AK9: variants seen among roughly 807,000 people sequenced by gnomAD.
The protein encoded by AK9 is adenylate kinase 9.
AK9 carries 191 observed loss-of-function variants against 239.6 expected under a neutral mutation model. The observed-to-expected ratio is 0.80, with a 90% CI of 0.71 to 0.90. AK9 has a LOEUF of 0.90. AK9 is among the 40% of genes least tolerant of loss of function. The probability of loss-of-function intolerance (pLI) is 0.00; values close to 1 mark genes in which losing one functional copy is unlikely to be tolerated. For missense variants in AK9, 1,995 were observed against 2,214.7 expected (o/e 0.90, Z 1.99); for synonymous variants, 689 against 721.0 (o/e 0.96, Z 0.71).
intron 5 of AK9, among the ~76,000 whole-genome samples, chr6:109,670,424 T>C (rs1176560842): frequency 6.6e-6 from 1 of 152,190 alleles, no homozygotes; most frequent in Non-Finnish European, 1.5e-5. Flanking sequence ...TAAGTAGAAG[T>C]GTAGATGAAA....
At chr6:109,576,570 A>C (rs1788116737) in intron 20 of AK9, among the ~76,000 whole-genome samples, 1 of 151,950 alleles carries the variant, frequency 6.6e-6, no homozygotes, top group Non-Finnish European at 1.5e-5. Context: ...TATCAGATCT[A>C]GGAGCTTTTT....
chr6:109,510,128 T>G (rs892678295), intron 32 of AK9, among the ~76,000 whole-genome samples: 18 of 151,852 alleles, frequency 1.2e-4, no homozygotes, highest in African/African-American at 4.1e-4. Context: ...GGGGCTGGGA[T>G]GCCGGTCTGT....
chr6:109,535,932 C>T (rs9374093), intron 27 of AK9, among the ~76,000 whole-genome samples: 108,355 of 152,010 alleles, frequency 0.71, 39,096 homozygotes, highest in East Asian at 0.99. Context: ...GTGGTATTAC[C>T]TCTGAGGGCT....
chr6:109,568,199 G>A (rs1786868299), intron 21 of AK9, among the ~76,000 whole-genome samples: 1 of 152,090 alleles, frequency 6.6e-6, no homozygotes, highest in Non-Finnish European at 1.5e-5. Flanking sequence ...CTCAATAAAT[G>A]CAGAAAAGGC....
At chr6:109,565,294 C>G (rs1786325202) in intron 21 of AK9, among the ~76,000 whole-genome samples, 1 of 151,918 alleles carries the variant, frequency 6.6e-6, no homozygotes, top group Non-Finnish European at 1.5e-5. Flanking sequence ...CTAGGCAACA[C>G]AGCAAGACCA....
intron 24 of AK9, among the ~76,000 whole-genome samples, chr6:109,562,036 G>A (rs1352050294): frequency 6.6e-6 from 1 of 152,266 alleles, no homozygotes; most frequent in South Asian, 2.1e-4. Context: ...GACACTCAAA[G>A]AAAATGCTTA....
chr6:109,668,716 G>A lies in AK9; in HGVS notation c.331+3203C>T, dbSNP rs548481990. ...AAAGATCAGATAGTTGTAGATCTGC[G>A]GCATTATTTCTGAGGCCTCTGTTCT... is the stretch of plus-strand genomic sequence containing the variant. On this transcript the variant is annotated intron_variant, in intron 5 of 40. Coordinates refer to ENST00000424296, the MANE Select transcript of AK9 (RefSeq NM_001145128.3). 2.2e-5 allele frequency among the ~76,000 whole-genome samples: 2 copies of A among 90,140 alleles called. 1 individual carries two copies. Among genetic ancestry groups the A allele is most frequent in the African/African-American group, 6.1e-5 (2 of 33,028 alleles). 59.1% of individuals were successfully genotyped at this position (90,140 alleles called of 152,430 possible).
chr6:109,650,055 T>C (rs906510723), intron 8 of AK9, among the ~76,000 whole-genome samples: 10 of 152,170 alleles, frequency 6.6e-5, no homozygotes, highest in East Asian at 3.9e-4. Context: ...AAACTGGATC[T>C]CTTCCTTACA....
intron 13 of AK9, among the ~76,000 whole-genome samples, chr6:109,617,790 T>C (rs575448006): frequency 6.6e-6 from 1 of 152,306 alleles, no homozygotes; most frequent in East Asian, 1.9e-4. Context: ...GTTCTCGTTC[T>C]AAGTATGAGT....
intron 13 of AK9, among the ~76,000 whole-genome samples, chr6:109,615,223 A>G (rs1583265337): frequency 6.9e-6 from 1 of 145,616 alleles, no homozygotes; most frequent in South Asian, 2.2e-4. Context: ...CTGCCCCATT[A>G]CCATGTTGTA....
chr6:109,647,498 T>C (rs1798236744), intron 8 of AK9, among the ~76,000 whole-genome samples: 1 of 152,170 alleles, frequency 6.6e-6, no homozygotes, highest in African/African-American at 2.4e-5. Context: ...AGGAAGGCCA[T>C]TACATAATGG....
intron 24 of AK9, among the ~76,000 whole-genome samples, chr6:109,553,509 T>A (rs946291995): frequency 6.6e-6 from 1 of 152,192 alleles, no homozygotes; most frequent in Non-Finnish European, 1.5e-5. Flanking sequence ...GCTTGCCTAT[T>A]GTTGGTGTAA....
chr6:109,589,507 T>G (rs2128217250), intron 17 of AK9, among the ~76,000 whole-genome samples: 2 of 152,278 alleles, frequency 1.3e-5, no homozygotes, highest in South Asian at 4.1e-4. Flanking sequence ...TATAGAAACA[T>G]ATCAACAGTA....
intron 32 of AK9, among the ~76,000 whole-genome samples, 198 bp from the exon 33 acceptor site, chr6:109,509,578 C>G (rs1397064813): frequency 1.3e-5 from 2 of 152,116 alleles, no homozygotes; most frequent in Admixed American, 1.3e-4. Context: ...GCTGCAGACC[C>G]AGGCCTCCTG....
intron 24 of AK9, among the ~76,000 whole-genome samples, chr6:109,553,080 C>G (rs577404303): frequency 1.4e-4 from 21 of 152,216 alleles, no homozygotes; most frequent in Non-Finnish European, 2.1e-4. Context: ...GTTTTGGTAC[C>G]AGTACCATGC....
intron 33 of AK9, among the ~76,000 whole-genome samples, chr6:109,508,505 C>T (rs921791559): frequency 6.6e-6 from 1 of 151,972 alleles, no homozygotes; most frequent in African/African-American, 2.4e-5. Flanking sequence ...TAAATGAACT[C>T]GAGAACTGTT....
intron 8 of AK9, among the ~76,000 whole-genome samples, chr6:109,654,382 A>C (rs1030401206): frequency 2.0e-5 from 3 of 151,972 alleles, no homozygotes; most frequent in African/African-American, 7.3e-5. Context: ...TCTGTCATCC[A>C]GGTTGGAGGC....
chr6:109,625,213 G>T (rs73519244), intron 12 of AK9, among the ~76,000 whole-genome samples: 1 of 152,174 alleles, frequency 6.6e-6, no homozygotes, highest in Non-Finnish European at 1.5e-5. Flanking sequence ...CAGAAGGCCA[G>T]AAGTGTCTTT....
chr6:109,614,471 G>A lies in AK9; in HGVS notation c.1409C>T (p.Ala470Val), dbSNP rs1006653261. ...ATATTGCCTTTGAAATTCTCTTAAA[G>A]CTGTTTCAGCTGAAATATAACAATG... Reference protein sequence around the residue: ...ELQARKQAETALREFQRQYEK... With the variant: ...ELQARKQAETVLREFQRQYEK... The change falls in exon 14 of 41, where the codon GCT (alanine) becomes GTT (valine). Residue 470 changes from alanine (A) to valine (V), a missense_variant. Around this residue, in one of 5 missense-constraint regions of AK9, gnomAD observed 1,290 missense variants for 1,392.7 expected, o/e 0.93. Coordinates refer to ENST00000424296, the MANE Select transcript of AK9 (RefSeq NM_001145128.3). 56 of 1,550,780 alleles carry A rather than the reference G, an allele frequency of 3.6e-5. No individual in the cohort carries two copies. The highest frequency in any genetic ancestry group is 4.8e-5 in the Non-Finnish European group (55 of 1,146,590).
Sources: gnomAD v4.1 joint callset for allele counts (sites outside exome capture counted in the v4.1 genomes callset) on GRCh38, gnomAD v4.1.1 for gene constraint, gnomAD v4.1.1 regional missense constraint, MANE v1.5 for transcripts, NCBI Gene and HGNC (gene_info 2026-07-23, HGNC 2026-07-21) for gene names.